The following PTPRT variants were observed in gnomAD, a reference collection of about 807,000 sequenced individuals.
PTPRT encodes protein tyrosine phosphatase receptor type T, also known as receptor-type tyrosine-protein phosphatase T.
In PTPRT, 56 loss-of-function variants were observed where a neutral mutation model predicts 176.8. The observed-to-expected ratio is 0.32, with a 90% CI of 0.26 to 0.40. The LOEUF is 0.40. Ranked by LOEUF, PTPRT falls within the 10% of genes least tolerant of loss-of-function variation. The pLI is 1.00. For missense variants in PTPRT, 1,540 were observed against 1,908.2 expected, an observed-to-expected ratio of 0.81 and a Z score of 3.60; for synonymous variants, 783 against 739.0, an observed-to-expected ratio of 1.06 and a Z score of -0.96.
At chr20:42,867,828 C>T (rs191137194) in intron 2 of PTPRT, among the ~76,000 whole-genome samples, 153 of 151,880 alleles carry the variant, frequency 1.0e-3, no homozygotes, top group Non-Finnish European at 1.7e-3. Context: ...ATTACAGGTG[C>T]CTGCCACCAT....
At chr20:42,792,478 C>T (rs1040244198) in intron 2 of PTPRT, among the ~76,000 whole-genome samples, 5 of 152,084 alleles carry the variant, frequency 3.3e-5, no homozygotes, top group Non-Finnish European at 5.9e-5. Context: ...CAAAGTGAGT[C>T]CCCACCAAAG....
At chr20:42,976,941 A>AGACTTCCTATGTCAGCTTTT (rs1346833815) in intron 1 of PTPRT, among the ~76,000 whole-genome samples, 1 of 152,234 alleles carries the variant, frequency 6.6e-6, no homozygotes, top group Non-Finnish European at 1.5e-5. Flanking sequence ...AAGAAATGGA[A>AGACTTCCTATGTCAGCTTTT]GACTTCCTAT....
At chr20:42,770,860 T>G (rs1445268051) in intron 5 of PTPRT, among the ~76,000 whole-genome samples, 1 of 152,220 alleles carries the variant, frequency 6.6e-6, no homozygotes, top group East Asian at 1.9e-4. Flanking sequence ...CTTTTAGGTT[T>G]TGGTCTGGGT....
intron 1 of PTPRT, among the ~76,000 whole-genome samples, chr20:42,956,003 G>C (rs1159007801): frequency 1.3e-5 from 2 of 152,154 alleles, no homozygotes; most frequent in East Asian, 3.9e-4. Flanking sequence ...TTCCAGGAGA[G>C]GAAGGGAGAG....
chr20:43,177,778 C>T (rs930642449), intron 1 of PTPRT, among the ~76,000 whole-genome samples: 1 of 152,186 alleles, frequency 6.6e-6, no homozygotes, highest in African/African-American at 2.4e-5. Context: ...AAAAAAGTGA[C>T]CCATCAGGAA....
intron 14 of PTPRT, among the ~76,000 whole-genome samples, chr20:42,243,123 G>GAA (rs2056387865): frequency 6.6e-6 from 1 of 151,972 alleles, no homozygotes; most frequent in Non-Finnish European, 1.5e-5. Flanking sequence ...GAGAGAGAGA[G>GAA]AATGAGACCA....
At chr20:42,129,325 A>G (rs572689584) in intron 18 of PTPRT, among the ~76,000 whole-genome samples, 1 of 152,340 alleles carries the variant, frequency 6.6e-6, no homozygotes, top group South Asian at 2.1e-4. Context: ...ATTGTTATCA[A>G]TACTATCATT....
At chr20:42,456,476 T>A (rs1179722190) in intron 8 of PTPRT, among the ~76,000 whole-genome samples, 1 of 152,074 alleles carries the variant, frequency 6.6e-6, no homozygotes, top group Non-Finnish European at 1.5e-5. Context: ...TCTTTGAGTA[T>A]GATGTTTGTA....
At chr20:42,567,464 G>A (rs1024013773) in intron 7 of PTPRT, among the ~76,000 whole-genome samples, 1 of 152,136 alleles carries the variant, frequency 6.6e-6, no homozygotes, top group Non-Finnish European at 1.5e-5. Flanking sequence ...TCTCCATTAA[G>A]AAGCTTCCTG....
At chr20:42,697,008 A>T (rs895429518) in intron 6 of PTPRT, among the ~76,000 whole-genome samples, 5 of 152,208 alleles carry the variant, frequency 3.3e-5, no homozygotes, top group African/African-American at 1.2e-4. Flanking sequence ...GACATCAAAC[A>T]TACTCCATAG....
In PTPRT at chr20:42,773,295, G is replaced by A. The variant is rs890171145; in HGVS notation, c.569-1745C>T. On this transcript the variant is annotated intron_variant, in intron 4 of 30. Coordinates refer to ENST00000373187, the MANE Select transcript of PTPRT (RefSeq NM_007050.6). ...CTTGGAACAATTAGGCAGACTTGTT[G>A]GGAGAGCACTGGGCAGCGTGGAATT... Among the ~76,000 whole-genome samples the A allele has an allele frequency of 3.9e-5, 6 of 152,322 alleles. No homozygotes were observed. In the East Asian group the frequency reaches 1.2e-3, roughly 29 times the overall value.
chr20:42,216,200 C>T (rs1361097094), intron 15 of PTPRT, among the ~76,000 whole-genome samples: 1 of 152,178 alleles, frequency 6.6e-6, no homozygotes, highest in Non-Finnish European at 1.5e-5. Context: ...ACTGCCTCCT[C>T]TCACCCTGAC....
In PTPRT at chr20:42,791,234, T is replaced by C. The variant is rs374514290; in HGVS notation, c.447A>G (p.Ala149=). Residue 149 remains alanine (A), a synonymous_variant, in exon 3 of 31, where the codon GCA becomes GCG. Transcript: ENST00000373187. ...GCCAGAAAGTGCTGATGGCGAGCTCTGCCTTCACCCAGCCCTCAGTGACGA... is the reference window on the plus strand; with the variant it reads ...GCCAGAAAGTGCTGATGGCGAGCTCCGCCTTCACCCAGCCCTCAGTGACGA... ...SGVVTEGWVK[A]ELAISTFWPH... is the part of the protein sequence containing the mutation. 6.2e-7 allele frequency: 1 copy of C among 1,604,282 alleles called. No homozygotes were observed. The highest frequency in any genetic ancestry group is 8.5e-7 in the Non-Finnish European group (1 of 1,173,342).
At chr20:42,419,269 G>A (rs2145763070) in intron 9 of PTPRT, among the ~76,000 whole-genome samples, 1 of 152,282 alleles carries the variant, frequency 6.6e-6, no homozygotes, top group South Asian at 2.1e-4. Context: ...CACCAGGGCT[G>A]GAATAAAGTT....
intron 9 of PTPRT, among the ~76,000 whole-genome samples, chr20:42,390,101 A>G (rs1452664995): frequency 6.6e-6 from 1 of 152,194 alleles, no homozygotes; most frequent in Non-Finnish European, 1.5e-5. Context: ...GAGGGTGAGG[A>G]ACAGCATTCA....
intron 1 of PTPRT, among the ~76,000 whole-genome samples, chr20:42,994,136 T>C (rs1984101119): frequency 6.6e-6 from 1 of 152,204 alleles, no homozygotes; most frequent in Non-Finnish European, 1.5e-5. Context: ...ATTTCATTGA[T>C]CTCTCCCTAG....
At chr20:42,088,726 G>T (rs1568915706) in intron 27 of PTPRT, among the ~76,000 whole-genome samples, 1 of 152,188 alleles carries the variant, frequency 6.6e-6, no homozygotes, top group East Asian at 1.9e-4. Context: ...TTGGGTAGTT[G>T]TAACAAAGAC....
chr20:42,842,656 G>C (rs1314335225), intron 2 of PTPRT, among the ~76,000 whole-genome samples: 2 of 152,186 alleles, frequency 1.3e-5, no homozygotes, highest in Admixed American at 1.3e-4. Context: ...CTGACCTCAA[G>C]TAATCTGCCC....
intron 12 of PTPRT, among the ~76,000 whole-genome samples, chr20:42,309,095 C>A (rs1321952900): frequency 6.6e-6 from 1 of 152,094 alleles, no homozygotes; most frequent in East Asian, 1.9e-4. Context: ...TAAATGTACC[C>A]CTACATGATG....
Sources: gnomAD v4.1 joint callset for allele counts (sites outside exome capture counted in the v4.1 genomes callset) on GRCh38, gnomAD v4.1.1 for gene constraint, MANE v1.5 for transcripts, NCBI Gene and HGNC (gene_info 2026-07-23, HGNC 2026-07-21) for gene names.